Variants in SIDT1 observed in about 807,000 individuals in gnomAD.
The protein encoded by SIDT1 is SID1 transmembrane family, member 1.
In SIDT1, 101 loss-of-function variants were observed where a neutral mutation model predicts 107.5. The ratio of observed to expected loss-of-function variants is 0.94; its 90% CI spans 0.80 to 1.11. The LOEUF is 1.11. SIDT1 is among the 50% of genes least tolerant of loss of function. The probability of loss-of-function intolerance (pLI) is 0.00; values close to 1 mark genes in which losing one functional copy is unlikely to be tolerated. For missense variants in SIDT1, 1,076 were observed against 1,058.2 expected (o/e 1.02, Z -0.23); for synonymous variants, 395 against 398.2 (o/e 0.99, Z 0.10).
At chr3:113,605,614 G>A (rs997311099) in intron 14 of SIDT1, among the ~76,000 whole-genome samples, 14 of 152,208 alleles carry the variant, frequency 9.2e-5, no homozygotes, top group African/African-American at 3.4e-4. Context: ...GGGACAATGA[G>A]TAGAGTAAAT....
rs79739753 is a variant in SIDT1, at chr3:113,600,820, G to T, written c.1046-768G>T. 2.6e-5 allele frequency among the ~76,000 whole-genome samples: 4 copies of T among 152,330 alleles called. No individual in the cohort carries two copies. In the East Asian group the frequency reaches 7.7e-4, roughly 29 times the overall value. Reference sequence around the variant, plus strand: ...TGACATGTTACATACTTATGGGTCAGCCCAAGAAAGGCCAGGGAACACCTA... The same window carrying T: ...TGACATGTTACATACTTATGGGTCATCCCAAGAAAGGCCAGGGAACACCTA... On this transcript the variant is annotated intron_variant, in intron 10 of 24. Coordinates refer to ENST00000264852, the MANE Select transcript of SIDT1 (RefSeq NM_017699.3).
At chr3:113,605,394 G>A (rs1386150727) in intron 14 of SIDT1, among the ~76,000 whole-genome samples, 1 of 152,042 alleles carries the variant, frequency 6.6e-6, no homozygotes, top group East Asian at 1.9e-4. Flanking sequence ...CCAAAGTACT[G>A]GGATTACAGG....
chr3:113,593,994 G>A (rs2614194), intron 10 of SIDT1, among the ~76,000 whole-genome samples: 5,674 of 152,218 alleles, frequency 0.037, 360 homozygotes, highest in African/African-American at 0.13. Flanking sequence ...AGTGCTCATA[G>A]GTTATTTGGC....
intron 10 of SIDT1, among the ~76,000 whole-genome samples, chr3:113,598,084 T>C (rs1944703324): frequency 6.6e-6 from 1 of 152,234 alleles, no homozygotes; most frequent in African/African-American, 2.4e-5. Context: ...CATTTTTGCA[T>C]GCTGGCAATG....
chr3:113,613,052 A>G (rs1945862964), intron 19 of SIDT1, among the ~76,000 whole-genome samples: 1 of 152,188 alleles, frequency 6.6e-6, no homozygotes. Context: ...ACTAAATTAG[A>G]AGGCCTAGGT....
At chr3:113,582,154 G>T (rs1253262325) in intron 6 of SIDT1, among the ~76,000 whole-genome samples, 2 of 152,076 alleles carry the variant, frequency 1.3e-5, no homozygotes, top group Non-Finnish European at 2.9e-5. Context: ...AAAGAATATG[G>T]ACCATATTTG....
intron 1 of SIDT1, among the ~76,000 whole-genome samples, chr3:113,548,373 T>C (rs1342604448): frequency 6.6e-6 from 1 of 152,132 alleles, no homozygotes. Context: ...TAGTCTGTGT[T>C]CCATTAATTC....
intron 17 of SIDT1, among the ~76,000 whole-genome samples, chr3:113,610,295 C>G (rs1945641235): frequency 6.6e-6 from 1 of 152,118 alleles, no homozygotes; most frequent in Non-Finnish European, 1.5e-5. Flanking sequence ...GTTTGTGCAC[C>G]TTCTATTTTA....
At chr3:113,612,801 T>A (rs1945846601) in intron 19 of SIDT1, among the ~76,000 whole-genome samples, 1 of 152,246 alleles carries the variant, frequency 6.6e-6, no homozygotes, top group African/African-American at 2.4e-5. Flanking sequence ...ATTTAAATTT[T>A]AAAAAATCAT....
intron 7 of SIDT1, among the ~76,000 whole-genome samples, 190 bp downstream of exon 7, chr3:113,583,686 G>A (rs930871138): frequency 2.0e-5 from 3 of 152,160 alleles, no homozygotes; most frequent in Middle Eastern, 3.2e-3. Flanking sequence ...AGGTATTATC[G>A]ATACTACAAA....
In SIDT1 at chr3:113,533,187, G is replaced by A; in HGVS notation, c.166G>A (p.Val56Met). 1 of 1,575,464 alleles carries A rather than the reference G, an allele frequency of 6.3e-7. No individual in the cohort carries two copies. The highest frequency in any genetic ancestry group is 8.6e-7 in the Non-Finnish European group (1 of 1,162,016). ...TTTCGATCATGTCTACAGCGGGGTG[G>A]TGAACCTCAGCACCGAGAACATCTA... ...ADFDHVYSGVVNLSTENIYSF... is the reference protein window; with the variant it reads ...ADFDHVYSGVMNLSTENIYSF... Residue 56 changes from valine (V) to methionine (M), a missense_variant, in exon 1 of 25, where the codon GTG becomes ATG. Physicochemically the swap from Val to Met is conservative, Grantham distance 21. Coordinates refer to ENST00000264852, the MANE Select transcript of SIDT1 (RefSeq NM_017699.3).
In SIDT1 at chr3:113,616,112, T is replaced by G; in HGVS notation, c.1979T>G (p.Phe660Cys). 6.2e-7 allele frequency: 1 copy of G among 1,613,858 alleles called. No homozygotes were observed. The highest frequency in any genetic ancestry group is 8.5e-7 in the Non-Finnish European group (1 of 1,179,732). Residue 660 changes from phenylalanine (F) to cysteine (C), a missense_variant, in exon 20 of 25, where the codon TTC (phenylalanine) becomes TGC (cysteine). By Grantham distance (205) the Phe-to-Cys change is radical. Coordinates refer to ENST00000264852, the MANE Select transcript of SIDT1 (RefSeq NM_017699.3). ...MGRFKIDLGI[F>C]RRAAMVFYTD... ...GTATTATCAGCAGATTTGGGAATTT[T>G]CCGGCGGGCTGCCATGGTGTTCTAC...
intron 11 of SIDT1, 200 bp from the exon 12 acceptor site, chr3:113,602,805 A>G: frequency 2.1e-6 from 1 of 480,270 alleles, no homozygotes; most frequent in Non-Finnish European, 3.6e-6. Context: ...AGCCAAGTTA[A>G]ATATAAAAAC....
intron 1 of SIDT1, among the ~76,000 whole-genome samples, chr3:113,560,484 G>A (rs750208573): frequency 2.0e-5 from 3 of 152,192 alleles, no homozygotes; most frequent in Non-Finnish European, 2.9e-5. Context: ...AATGTTTGAT[G>A]GATGAGAGTG....
chr3:113,609,461 C>T (rs1366973035), intron 17 of SIDT1, among the ~76,000 whole-genome samples: 2 of 152,152 alleles, frequency 1.3e-5, no homozygotes, highest in East Asian at 3.9e-4. Context: ...ATCTTTAGAC[C>T]AATCAGCCCT....
At chr3:113,637,040 G>A in the SIDT1 span, among the ~76,000 whole-genome samples, 1 of 152,178 alleles carries the variant, frequency 6.6e-6, no homozygotes, top group East Asian at 1.9e-4. Context: ...CCAGGTAACA[G>A]GGGAACAACA....
At chr3:113,614,239 T>C (rs1945950769) in intron 19 of SIDT1, among the ~76,000 whole-genome samples, 1 of 152,170 alleles carries the variant, frequency 6.6e-6, no homozygotes, top group Non-Finnish European at 1.5e-5. Context: ...CCCTGCAGTC[T>C]CCTGCCGGAA....
rs1261367850 is a variant in SIDT1, at chr3:113,592,772, G to C, written c.1002-233G>C. ...CCAGCTAATTTTTGTATTTTTATTAGAGACGGGGTTTCACCATATTGGCCA... is the reference window on the plus strand; with the variant it reads ...CCAGCTAATTTTTGTATTTTTATTACAGACGGGGTTTCACCATATTGGCCA... On this transcript the variant is annotated intron_variant, in intron 9 of 24. Transcript: ENST00000264852. 4.6e-5 allele frequency: 20 copies of C among 431,640 alleles called. 1 individual carries two copies. In the Admixed American group the frequency reaches 5.9e-4, roughly 13 times the overall value. 26.7% of individuals were successfully genotyped at this position (431,640 alleles called of 1,614,324 possible).
chr3:113,622,171 A>G (rs961446780), intron 21 of SIDT1, among the ~76,000 whole-genome samples: 2 of 152,222 alleles, frequency 1.3e-5, no homozygotes, highest in Non-Finnish European at 2.9e-5. Context: ...GTATTCATCA[A>G]AAACTATTTC....
Sources: allele counts gnomAD v4.1 joint callset (sites outside exome capture counted in the v4.1 genomes callset), GRCh38; gene constraint gnomAD v4.1.1; transcripts MANE v1.5; gene names NCBI Gene and HGNC (gene_info 2026-07-23, HGNC 2026-07-21).